Variants in PALM3 observed in about 807,000 individuals in gnomAD.
PALM3 encodes the protein paralemmin 3, also known as paralemmin-3.
PALM3 carries 20 observed loss-of-function variants against 27.9 expected under a neutral mutation model. The ratio of observed to expected loss-of-function variants is 0.72; its 90% CI spans 0.50 to 1.04. The LOEUF (loss-of-function observed/expected upper bound fraction) is 1.04. PALM3 is among the 50% of genes least tolerant of loss of function. PALM3 has a pLI of 0.00. For missense variants in PALM3, 814 were observed against 869.4 expected (o/e 0.94, Z 0.80); for synonymous variants, 328 against 352.7 (o/e 0.93, Z 0.79).
chr19:14,058,255 A>G, intron 2 of PALM3, among the ~76,000 whole-genome samples: 1 of 106,546 alleles, frequency 9.4e-6, no homozygotes, highest in African/African-American at 3.8e-5. Context: ...GGGGTACAGA[A>G]GTGGGGTACA....
Position 14,054,032 on chromosome 19 carries a change from T to A in PALM3, c.1640A>T (p.Gln547Leu). Residue 547 changes from glutamine (Q) to leucine (L), a missense_variant, in exon 7 of 7, where the codon CAA becomes CTA. Coordinates refer to ENST00000669674, the MANE Select transcript of PALM3 (RefSeq NM_001145028.2). ...GEESLETEKTQGTEGDLNLEQ... is the reference protein window; with the variant it reads ...GEESLETEKTLGTEGDLNLEQ... ...TAGATTCAGATCTCCCTCCGTCCCT[T>A]GGGTCTTCTCTGTCTCCAATGATTC... 2 of 1,551,732 alleles carry A rather than the reference T, an allele frequency of 1.3e-6. No homozygotes were observed. The highest frequency in any genetic ancestry group is 1.7e-6 in the Non-Finnish European group (2 of 1,146,988).
In PALM3 at chr19:14,054,005, T is replaced by G; in HGVS notation, c.1667A>C (p.Glu556Ala). The G allele has an allele frequency of 6.4e-7, 1 of 1,551,736 alleles. No homozygotes were observed. ...TQGTEGDLNL[E>A]QGSREGSESQ... ...TTCACTTCCTTCCCTAGACCCTTGT[T>G]CTAGATTCAGATCTCCCTCCGTCCC... Residue 556 changes from glutamate to alanine, a missense_variant, in exon 7 of 7, where the codon GAA becomes GCA. Transcript: ENST00000669674.
chr19:14,056,027 A>G (rs1446115982), intron 5 of PALM3, among the ~76,000 whole-genome samples: 1 of 151,156 alleles, frequency 6.6e-6, no homozygotes, highest in Non-Finnish European at 1.5e-5. Context: ...TCCTACCTCA[A>G]CCTCCCCAGT....
Position 14,056,507 on chromosome 19 carries a change from C to T in PALM3, c.321G>A (p.Gln107=). ...RNLEDSLFTL[Q]SQLQLLQSAS... is the part of the protein sequence containing the mutation. ...CACTTTGCAACAGTTGCAGCTGGGA[C>T]TGGAGTCTGAAGAAGAGAGAGGGCT... Residue 107 remains glutamine (Q), a synonymous_variant, in exon 5 of 7, where the codon CAG becomes CAA. Transcript: ENST00000669674. The T allele has an allele frequency of 1.3e-6, 2 of 1,551,518 alleles. No homozygotes were observed. The highest frequency in any genetic ancestry group is 1.7e-6 in the Non-Finnish European group (2 of 1,146,886).
Position 14,054,531 on chromosome 19 carries a change from C to T in PALM3, c.1141G>A (p.Val381Met). 6.4e-7 allele frequency: 1 copy of T among 1,551,596 alleles called. No homozygotes were observed. The highest frequency in any genetic ancestry group is 1.2e-5 in the South Asian group (1 of 84,026). The change falls in exon 7 of 7, where the codon GTG (valine) becomes ATG (methionine). Residue 381 changes from valine to methionine, a missense_variant. By Grantham distance (21) the Val-to-Met change is conservative. Coordinates refer to ENST00000669674, the MANE Select transcript of PALM3 (RefSeq NM_001145028.2). ...LLVEGLEGPE[V>M]AGRERGDESP... The stretch of plus-strand genomic sequence containing the variant: ...TCATCTCCTCTCTCCCTCCCTGCCA[C>T]CTCGGGCCCTTCCAACCCCTCCACC...
chr19:14,054,674 C>T lies in PALM3; in HGVS notation c.998G>A (p.Gly333Glu), dbSNP rs546616807. 1.9e-6 allele frequency: 3 copies of T among 1,551,412 alleles called. No homozygotes were observed. The South Asian group carries it at 3.6e-5, about 18-fold the overall frequency. Residue 333 changes from glycine (G) to glutamate (E), a missense_variant, in exon 7 of 7, where the codon GGG becomes GAG. Transcript: ENST00000669674. ...AGGGCTGCCCTGGGGCACATCTTCC[C>T]CTTCTATGGAAGCTGCTGCCTCTAA... is the stretch of plus-strand genomic sequence containing the variant. ...ERLEAAASIE[G>E]EDVPQGSPEG...
At chr19:14,059,799 C>A (rs1976387295) in intron 1 of PALM3, among the ~76,000 whole-genome samples, 1 of 152,110 alleles carries the variant, frequency 6.6e-6, no homozygotes, top group Non-Finnish European at 1.5e-5. Flanking sequence ...CACCTGCTAA[C>A]CCCCCTCCCT....
At position 14,055,141 on chromosome 19, in the gene PALM3, A is replaced by G; in HGVS notation, c.531T>C (p.Asp177=). The change falls in exon 7 of 7, where the codon GAT becomes GAC. Residue 177 remains aspartate, a synonymous_variant. Transcript: ENST00000669674. The part of the protein sequence containing the change: ...PPESPSEPRE[D]VLGFLPGPRQ... ...TCGGGCCTGGCAGAAACCCCAAGAC[A>G]TCCTCCCTGGGCTCAGAGGGGGACT... 6.5e-7 allele frequency: 1 copy of G among 1,549,666 alleles called. No individual in the cohort carries two copies. Among genetic ancestry groups the G allele is most frequent in the Non-Finnish European group, 8.7e-7 (1 of 1,146,834 alleles).
chr19:14,053,514 G>C lies in PALM3; in HGVS notation c.*91C>G. 1.4e-6 allele frequency: 2 copies of C among 1,382,306 alleles called. No individual in the cohort carries two copies. The highest frequency in any genetic ancestry group is 1.9e-6 in the Non-Finnish European group (2 of 1,054,986). The allele number at this position is 1,382,306 out of a possible 1,614,324, so 85.6% of individuals were successfully genotyped here. A position where few individuals can be genotyped will look rare whatever the true frequency, so the allele number is the denominator to read the frequency against. On this transcript the variant is annotated 3_prime_UTR_variant, in exon 7 of 7. Coordinates refer to ENST00000669674, the MANE Select transcript of PALM3 (RefSeq NM_001145028.2). ...TCCCAGGTGCCATGGCCAGTCCTGT[G>C]GTCCCTGTCTGTGCCTGGGACCCTC... is the stretch of plus-strand genomic sequence containing the variant.
intron 1 of PALM3, among the ~76,000 whole-genome samples, chr19:14,059,686 T>A (rs1175013433): frequency 6.6e-6 from 1 of 151,926 alleles, no homozygotes; most frequent in Non-Finnish European, 1.5e-5. Context: ...TCCCACACCC[T>A]CTCTGGACCT....
At chr19:14,060,232 C>G (rs1218346388) in intron 1 of PALM3, among the ~76,000 whole-genome samples, 5 of 152,082 alleles carry the variant, frequency 3.3e-5, no homozygotes, top group African/African-American at 7.2e-5. Flanking sequence ...TGAACTCCAG[C>G]TAGGACCTTC....
At chr19:14,057,794 G>A (rs1326899275) in intron 2 of PALM3, among the ~76,000 whole-genome samples, 3 of 152,042 alleles carry the variant, frequency 2.0e-5, no homozygotes, top group Non-Finnish European at 2.9e-5. Flanking sequence ...GAGATACGAG[G>A]TTAAGAGAAA....
chr19:14,061,227 C>G (rs1233001720), intron 1 of PALM3, among the ~76,000 whole-genome samples: 1 of 152,158 alleles, frequency 6.6e-6, no homozygotes, highest in Non-Finnish European at 1.5e-5. Flanking sequence ...GCTAAGCAAC[C>G]AGGTTTGTAG....
chr19:14,060,299 GAT>G (rs1221333138), intron 1 of PALM3, among the ~76,000 whole-genome samples: 1 of 151,680 alleles, frequency 6.6e-6, no homozygotes, highest in Non-Finnish European at 1.5e-5. Context: ...CTATATATAT[GAT>G]ATATATATAC....
At position 14,061,929 on chromosome 19, in the gene PALM3, C is replaced by G. The variant is rs1419918146; in HGVS notation, c.41+11G>C. The stretch of plus-strand genomic sequence containing the variant: ...CTGCCCACCAGCCCCCCTGACCCCC[C>G]AGACACTTACATGGGTGTGGCCAGA... On this transcript the variant is annotated intron_variant, in intron 1 of 6. Transcript: ENST00000669674. 1 of 985,266 alleles carries G rather than the reference C, an allele frequency of 1.0e-6. No homozygotes were observed. The allele number at this position is 985,266 out of a possible 1,614,324, so 61.0% of individuals were successfully genotyped here. A position where few individuals can be genotyped will look rare whatever the true frequency, so the allele number is the denominator to read the frequency against.
In PALM3 at chr19:14,054,429, C is replaced by A. The variant is rs777979438; in HGVS notation, c.1243G>T (p.Glu415Ter). 6.4e-7 allele frequency: 1 copy of A among 1,551,908 alleles called. No individual in the cohort carries two copies. The highest frequency in any genetic ancestry group is 8.7e-7 in the Non-Finnish European group (1 of 1,146,998). Reference protein sequence around the residue: ...TWEAEKRKAEESMGIGSEEKP... With the variant: ...TWEAEKRKAE Reference sequence around the variant, plus strand: ...TCCTCACTTCCTATTCCCATGGATTCTTCCGCTTTTCTCTTCTCTGCCTCC... The same window carrying A: ...TCCTCACTTCCTATTCCCATGGATTATTCCGCTTTTCTCTTCTCTGCCTCC... Residue 415 changes from glutamate to a stop codon, truncating the protein, a stop_gained, in exon 7 of 7, where the codon GAA (glutamate) becomes TAA (stop). Coordinates refer to ENST00000669674, the MANE Select transcript of PALM3 (RefSeq NM_001145028.2). LOFTEE classifies it low-confidence loss of function (END_TRUNC).
Position 14,056,419 on chromosome 19 carries a change from C to G in PALM3, c.399+10G>C. 1 of 1,546,268 alleles carries G rather than the reference C, an allele frequency of 6.5e-7. No individual in the cohort carries two copies. Among genetic ancestry groups the G allele is most frequent in the African/African-American group, 1.4e-5 (1 of 73,026 alleles). The stretch of plus-strand genomic sequence containing the variant: ...GCCCTCCCATCCCACTCCCCTGATT[C>G]CCCCCTCACCTGTCTGCGCCAGCTG... On this transcript the variant is annotated intron_variant, in intron 5 of 6. Coordinates refer to ENST00000669674, the MANE Select transcript of PALM3 (RefSeq NM_001145028.2).
At chr19:14,062,076 T>TGG, upstream of PALM3, 2 of 777,204 alleles carry the variant, frequency 2.6e-6, no homozygotes, top group Non-Finnish European at 1.6e-6. Context: ...CTGCCTGGAG[T>TGG]GGGGGGGGGC....
chr19:14,053,945 G>A lies in PALM3; in HGVS notation c.1727C>T (p.Pro576Leu), dbSNP rs376517493. 233 of 1,551,560 alleles carry A rather than the reference G, an allele frequency of 1.5e-4. No individual in the cohort carries two copies. Among genetic ancestry groups the A allele is most frequent in the Middle Eastern group, 1.2e-3 (7 of 5,988 alleles). The change falls in exon 7 of 7, where the codon CCC becomes CTC. Residue 576 changes from proline (P) to leucine (L), a missense_variant. By Grantham distance (98) the Pro-to-Leu change is moderately conservative (BLOSUM62 -3). Coordinates refer to ENST00000669674, the MANE Select transcript of PALM3 (RefSeq NM_001145028.2). ...CCTTGTCTCCGTGTTAGCCTCAAGG[G>A]GAGGCCCTGCCTCATTCATCTCCTC... ...QAEEMNEAGP[P>L]LEANTETRPE...
Sources: allele counts gnomAD v4.1 joint callset (sites outside exome capture counted in the v4.1 genomes callset), GRCh38; gene constraint gnomAD v4.1.1; transcripts MANE v1.5; gene names NCBI Gene and HGNC (gene_info 2026-07-23, HGNC 2026-07-21).